Variants in ZBTB20 observed in about 807,000 individuals in gnomAD.
ZBTB20 encodes the protein zinc finger and BTB domain-containing protein 20.
In ZBTB20, 9 loss-of-function variants were observed where a neutral mutation model predicts 56.9. The observed-to-expected ratio is 0.16, with a 90% CI of 0.10 to 0.28. ZBTB20 has a LOEUF of 0.28. Among genes scored for constraint, ZBTB20 ranks in the 10% least tolerant of loss-of-function variants. The probability of loss-of-function intolerance (pLI) is 1.00; values close to 1 mark genes in which losing one functional copy is unlikely to be tolerated. For missense variants in ZBTB20, 655 were observed against 1,003.0 expected, an observed-to-expected ratio of 0.65 and a Z score of 4.69; for synonymous variants, 417 against 420.7, an observed-to-expected ratio of 0.99 and a Z score of 0.11.
chr3:115,109,353 C>T (rs1291342320), intron 1 of ZBTB20, among the ~76,000 whole-genome samples: 2 of 152,116 alleles, frequency 1.3e-5, no homozygotes, highest in Non-Finnish European at 2.9e-5. Flanking sequence ...TTGGTGAGAT[C>T]CTTACTGTTT....
At chr3:115,110,366 T>C (rs2083841501) in intron 1 of ZBTB20, among the ~76,000 whole-genome samples, 1 of 152,238 alleles carries the variant, frequency 6.6e-6, no homozygotes, top group South Asian at 2.1e-4. Flanking sequence ...TGGTATCTTT[T>C]ATTTTTAAGA....
At chr3:114,539,376 G>T (rs527408165) in intron 6 of ZBTB20, among the ~76,000 whole-genome samples, 86 of 152,156 alleles carry the variant, frequency 5.7e-4, no homozygotes, top group African/African-American at 2.1e-3. Flanking sequence ...TATTTTTGGC[G>T]ATACAATAGT....
chr3:114,635,933 C>A (rs1401355284), intron 6 of ZBTB20, among the ~76,000 whole-genome samples: 2 of 151,520 alleles, frequency 1.3e-5, no homozygotes, highest in Admixed American at 6.6e-5. Flanking sequence ...AAATCAACAT[C>A]CAGATTCATG....
intron 1 of ZBTB20, among the ~76,000 whole-genome samples, chr3:115,131,312 T>C (rs1322769578): frequency 6.6e-6 from 1 of 152,212 alleles, no homozygotes; most frequent in Non-Finnish European, 1.5e-5. Context: ...ATATTACTTA[T>C]AAATATACAT....
At chr3:115,122,087 A>G (rs2084198414) in intron 1 of ZBTB20, among the ~76,000 whole-genome samples, 1 of 152,092 alleles carries the variant, frequency 6.6e-6, no homozygotes, top group African/African-American at 2.4e-5. Context: ...GCCAGAGACT[A>G]TGAGAAGCAG....
At chr3:114,555,149 T>C (rs1032169396) in intron 6 of ZBTB20, among the ~76,000 whole-genome samples, 4 of 152,166 alleles carry the variant, frequency 2.6e-5, no homozygotes, top group African/African-American at 9.6e-5. Flanking sequence ...TTATCAGATC[T>C]GCCACTGCAA....
At chr3:115,111,166 T>C (rs1021841730) in intron 1 of ZBTB20, among the ~76,000 whole-genome samples, 3 of 152,048 alleles carry the variant, frequency 2.0e-5, no homozygotes, top group African/African-American at 4.8e-5. Flanking sequence ...CCACTGAAAA[T>C]GTAATAACTG....
chr3:115,058,663 A>T (rs2081903834), intron 2 of ZBTB20, among the ~76,000 whole-genome samples: 2 of 152,174 alleles, frequency 1.3e-5, no homozygotes, highest in African/African-American at 4.8e-5. Context: ...CAGGAGGCAG[A>T]GGTTGCAGTA....
At chr3:114,480,736 T>A (rs1577002724) in intron 7 of ZBTB20, among the ~76,000 whole-genome samples, 1 of 152,210 alleles carries the variant, frequency 6.6e-6, no homozygotes, top group East Asian at 1.9e-4. Flanking sequence ...ACACAATACA[T>A]ATTTCAAGCA....
At chr3:114,664,619 A>G (rs2060942730) in intron 6 of ZBTB20, among the ~76,000 whole-genome samples, 1 of 151,874 alleles carries the variant, frequency 6.6e-6, no homozygotes, top group African/African-American at 2.4e-5. Flanking sequence ...ACACACACAC[A>G]CACACACACG....
chr3:114,777,665 A>C (rs2069708306), intron 5 of ZBTB20, among the ~76,000 whole-genome samples: 1 of 152,156 alleles, frequency 6.6e-6, no homozygotes, highest in South Asian at 2.1e-4. Context: ...AACTAGTTCA[A>C]CCATTGTGGA....
intron 5 of ZBTB20, among the ~76,000 whole-genome samples, chr3:114,718,989 G>A (rs534351330): frequency 6.6e-6 from 1 of 151,904 alleles, no homozygotes; most frequent in Admixed American, 6.6e-5. Flanking sequence ...AAAAATCCCT[G>A]ATTATCAACT....
At chr3:115,060,068 C>T (rs2081961656) in intron 2 of ZBTB20, among the ~76,000 whole-genome samples, 1 of 152,170 alleles carries the variant, frequency 6.6e-6, no homozygotes, top group South Asian at 2.1e-4. Flanking sequence ...AGGTCACTTA[C>T]TATCTTCCTT....
At chr3:114,980,875 T>C (rs1277049953) in intron 2 of ZBTB20, among the ~76,000 whole-genome samples, 5 of 152,154 alleles carry the variant, frequency 3.3e-5, no homozygotes, top group Admixed American at 2.0e-4. Context: ...GTTAGTTAAA[T>C]GTTCTGGTTA....
chr3:114,806,648 G>A (rs1247666827), intron 4 of ZBTB20, among the ~76,000 whole-genome samples: 2 of 151,890 alleles, frequency 1.3e-5, no homozygotes, highest in Non-Finnish European at 2.9e-5. Flanking sequence ...AGCTTTTGGT[G>A]TGATAGCTAA....
intron 10 of ZBTB20, among the ~76,000 whole-genome samples, chr3:114,374,505 A>G (rs185809167): frequency 4.2e-4 from 64 of 152,342 alleles, no homozygotes; most frequent in Non-Finnish European, 6.6e-4. Flanking sequence ...AGGATTGTCC[A>G]ACTTGTCCTA....
chr3:114,873,611 A>G (rs527620058), intron 4 of ZBTB20, among the ~76,000 whole-genome samples: 4 of 152,324 alleles, frequency 2.6e-5, no homozygotes, highest in South Asian at 4.1e-4. Context: ...GTTTTTTAAC[A>G]TATTGAGAAA....
intron 6 of ZBTB20, among the ~76,000 whole-genome samples, chr3:114,505,172 C>T (rs183169565): frequency 6.6e-5 from 10 of 152,286 alleles, no homozygotes; most frequent in Admixed American, 1.3e-4. Flanking sequence ...AAAACAGAAT[C>T]TGGGTCGTCA....
intron 5 of ZBTB20, among the ~76,000 whole-genome samples, chr3:114,718,336 C>A (rs2064656377): frequency 6.6e-6 from 1 of 152,078 alleles, no homozygotes; most frequent in Non-Finnish European, 1.5e-5. Context: ...CTACCCACAG[C>A]AAAAGCATGA....
Sources: gnomAD v4.1 joint callset for allele counts (sites outside exome capture counted in the v4.1 genomes callset) on GRCh38, gnomAD v4.1.1 for gene constraint, MANE v1.5 for transcripts, NCBI Gene and HGNC (gene_info 2026-07-23, HGNC 2026-07-21) for gene names.